Variants in FGF2 observed in about 807,000 individuals in gnomAD.
FGF2 encodes basic fibroblast growth factor bFGF.
A neutral mutation model predicts 15.9 loss-of-function variants in FGF2; 13 were observed. The observed-to-expected ratio is 0.82, with a 90% CI of 0.53 to 1.30. The LOEUF (loss-of-function observed/expected upper bound fraction) is 1.30. Among genes scored for constraint, FGF2 ranks in the 50% most tolerant of loss-of-function variants. The pLI is 0.00. For synonymous variants in FGF2, 90 were observed against 78.4 expected, an observed-to-expected ratio of 1.15 and a Z score of -0.78; for missense variants, 163 against 196.9, an observed-to-expected ratio of 0.83 and a Z score of 1.03.
At chr4:122,840,810 A>G (rs1366127337) in intron 1 of FGF2, 1 of 152,238 alleles carries the variant, frequency 6.6e-6, no homozygotes, top group East Asian at 1.9e-4. Flanking sequence ...CCTGGTACGC[A>G]CATTGCCCCC....
intron 2 of FGF2, among the ~76,000 whole-genome samples, chr4:122,887,051 C>G (rs1194802659): frequency 1.3e-5 from 2 of 152,130 alleles, no homozygotes; most frequent in Admixed American, 6.5e-5. Flanking sequence ...CATGGTGGCT[C>G]ACATCTGTAA....
rs1725653395 is a variant in FGF2, at chr4:122,827,086, G to A, written c.-89G>A. On this transcript the variant is annotated 5_prime_UTR_variant, in exon 1 of 3. Coordinates refer to ENST00000644866, the MANE Select transcript of FGF2 (RefSeq NM_001361665.2). This position sits in a 1 kb window ranked among gnomAD's most constrained non-coding sequence, Gnocchi z 4.2. ...CGGGGCCGGGGCCGTGCCCCGGAGC[G>A]GGTCGGAGGCCGGGGCCGGGGCCGG... is the stretch of plus-strand genomic sequence containing the variant. 1 of 1,165,820 alleles carries A rather than the reference G, an allele frequency of 8.6e-7. No individual in the cohort carries two copies. The highest frequency in any genetic ancestry group is 1.6e-5 in the African/African-American group (1 of 61,380). The allele number at this position is 1,165,820 out of a possible 1,614,324, so 72.2% of individuals were successfully genotyped here.
In FGF2 at chr4:122,897,660, A is replaced by G; in HGVS notation, c.*5264A>G. The stretch of plus-strand genomic sequence containing the variant: ...TCAGGCTCTGACAGGCCTCCTGGAA[A>G]CTTCCACATATTTTTCAACTGCAGT... On this transcript the variant is annotated 3_prime_UTR_variant, in exon 3 of 3. Coordinates refer to ENST00000644866, the MANE Select transcript of FGF2 (RefSeq NM_001361665.2). 1 of 1,610,022 alleles carries G rather than the reference A, an allele frequency of 6.2e-7. No individual in the cohort carries two copies. The highest frequency in any genetic ancestry group is 8.5e-7 in the Non-Finnish European group (1 of 1,176,354).
In FGF2 at chr4:122,892,302, T is replaced by C. The variant is rs1461924751; in HGVS notation, c.374T>C (p.Val125Ala). 1.2e-6 allele frequency: 2 copies of C among 1,613,886 alleles called. No individual in the cohort carries two copies. The highest frequency in any genetic ancestry group is 1.3e-5 in the African/African-American group (1 of 74,924). The stretch of plus-strand genomic sequence containing the variant: ...TCAAGGAAATACACCAGTTGGTATG[T>C]GGCACTGAAACGAACTGGGCAGTAT... ...YRSRKYTSWY[V>A]ALKRTGQYKL... The change falls in exon 3 of 3, where the codon GTG becomes GCG. Residue 125 changes from valine (V) to alanine (A), a missense_variant. Transcript: ENST00000644866.
At chr4:122,883,949 C>A (rs1038406279) in intron 2 of FGF2, among the ~76,000 whole-genome samples, 1 of 152,026 alleles carries the variant, frequency 6.6e-6, no homozygotes, top group Middle Eastern at 3.4e-3. Flanking sequence ...AATTGAGGGG[C>A]CTTCACAATG....
intron 2 of FGF2, chr4:122,889,841 T>C (rs1327034794): frequency 6.6e-6 from 1 of 152,232 alleles, no homozygotes; most frequent in Non-Finnish European, 1.5e-5. Context: ...AAGGCAAATG[T>C]TATTGGAATA....
At chr4:122,866,229 G>A (rs993942316) in intron 1 of FGF2, among the ~76,000 whole-genome samples, 2 of 152,122 alleles carry the variant, frequency 1.3e-5, no homozygotes, top group African/African-American at 2.4e-5. Context: ...TTAGCCGGGC[G>A]TGGTGGCGGG....
At position 122,827,171 on chromosome 4, in the gene FGF2, G is replaced by A. The variant is rs965581270; in HGVS notation, c.-4G>A. ...GGGGATCCCGGCCGGGCCCCGCAGG[G>A]ACCATGGCAGCCGGGAGCATCACCA... is the stretch of plus-strand genomic sequence containing the variant. On this transcript the variant is annotated 5_prime_UTR_variant, in exon 1 of 3. Transcript: ENST00000644866. The surrounding 1 kb of genome is among the most constrained non-coding windows in gnomAD (Gnocchi z 4.2). The A allele has an allele frequency of 6.4e-7, 1 of 1,561,544 alleles. No individual in the cohort carries two copies. The highest frequency in any genetic ancestry group is 2.4e-5 in the East Asian group (1 of 41,642).
chr4:122,876,531 C>T lies in FGF2; in HGVS notation c.282+107C>T, dbSNP rs961830448. The T allele has an allele frequency of 4.0e-6, 3 of 758,130 alleles. No homozygotes were observed. In the Admixed American group the frequency reaches 5.9e-5, roughly 15 times the overall value. 47.0% of individuals were successfully genotyped at this position (758,130 alleles called of 1,614,324 possible). ...TTATAAAGGATTTTACGTGTATCAT[C>T]GTCATAGTCACCCTGTAAAATAGGG... is the stretch of plus-strand genomic sequence containing the variant. On this transcript the variant is annotated intron_variant, in intron 2 of 2. Coordinates refer to ENST00000644866, the MANE Select transcript of FGF2 (RefSeq NM_001361665.2).
At chr4:122,858,660 A>ACAGAC (rs1726389643) in intron 1 of FGF2, among the ~76,000 whole-genome samples, 1 of 152,130 alleles carries the variant, frequency 6.6e-6, no homozygotes, top group Non-Finnish European at 1.5e-5. Context: ...GTCCTCCCAA[A>ACAGAC]GTGCTAGGGT....
chr4:122,891,021 C>CTTTTTTTTTTTTTTTTTTTT (rs769084285), intron 2 of FGF2, among the ~76,000 whole-genome samples: 17 of 94,730 alleles, frequency 1.8e-4, no homozygotes, highest in East Asian at 4.5e-4. Flanking sequence ...AACAATTTAT[C>CTTTTTTTTTTTTTTTTTTTT]TTTTTTTTTT....
chr4:122,879,818 A>T (rs973507057), intron 2 of FGF2, among the ~76,000 whole-genome samples: 1 of 152,180 alleles, frequency 6.6e-6, no homozygotes, highest in Non-Finnish European at 1.5e-5. Flanking sequence ...ACTTACTATC[A>T]CAAGAACAGC....
Position 122,896,586 on chromosome 4 carries a change from T to C in FGF2, c.*4190T>C, listed in dbSNP as rs1325038010. 6.6e-6 allele frequency: 1 copy of C among 152,168 alleles called. No individual in the cohort carries two copies. Among genetic ancestry groups the C allele is most frequent in the African/African-American group, 2.4e-5 (1 of 41,448 alleles). The allele number at this position is 152,168 out of a possible 1,614,324, so 9.4% of individuals were successfully genotyped here. Reference sequence around the variant, plus strand: ...CACACCACTACAAAATCATCTTTTATATCAACAGAAGAATAAGCATAAACT... The same window carrying C: ...CACACCACTACAAAATCATCTTTTACATCAACAGAAGAATAAGCATAAACT... On this transcript the variant is annotated 3_prime_UTR_variant, in exon 3 of 3. Coordinates refer to ENST00000644866, the MANE Select transcript of FGF2 (RefSeq NM_001361665.2).
intron 1 of FGF2, among the ~76,000 whole-genome samples, chr4:122,872,542 A>G (rs1726762303): frequency 6.6e-6 from 1 of 152,136 alleles, no homozygotes; most frequent in Middle Eastern, 3.2e-3. Context: ...AAGATACTCC[A>G]CAAGAAGATC....
At chr4:122,835,844 T>C (rs928877769) in intron 1 of FGF2, among the ~76,000 whole-genome samples, 1 of 152,210 alleles carries the variant, frequency 6.6e-6, no homozygotes, top group South Asian at 2.1e-4. Context: ...TGTGCTTTAA[T>C]TATAGTCTCT....
chr4:122,835,002 C>T lies in FGF2; in HGVS notation c.178+7650C>T, dbSNP rs1185142455. On this transcript the variant is annotated intron_variant, in intron 1 of 2. Coordinates refer to ENST00000644866, the MANE Select transcript of FGF2 (RefSeq NM_001361665.2). ...GGCTCCAGCTGGACCTGCTAAACCA[C>T]TCCTGTGGCCCCACCCAGGAATGGT... 3.3e-5 allele frequency among the ~76,000 whole-genome samples: 5 copies of T among 152,180 alleles called. No homozygotes were observed. The East Asian group carries it at 7.7e-4, about 23-fold the overall frequency.
At chr4:122,829,720 C>T (rs1384880989) in intron 1 of FGF2, among the ~76,000 whole-genome samples, 2 of 152,160 alleles carry the variant, frequency 1.3e-5, no homozygotes, top group Non-Finnish European at 2.9e-5. Flanking sequence ...CCTTTCTTCC[C>T]AAGTCCCCAA....
At chr4:122,868,779 G>C (rs992066500) in intron 1 of FGF2, among the ~76,000 whole-genome samples, 3 of 152,164 alleles carry the variant, frequency 2.0e-5, no homozygotes, top group Non-Finnish European at 4.4e-5. Flanking sequence ...GCCAGTATCT[G>C]TTGTTTCCTG....
intron 1 of FGF2, among the ~76,000 whole-genome samples, chr4:122,837,721 CAA>C (rs1476150574): frequency 4.6e-5 from 7 of 151,940 alleles, no homozygotes; most frequent in Admixed American, 3.9e-4. Flanking sequence ...GATGGGGACT[CAA>C]GAGAAAAAGG....
Sources: gnomAD v4.1 joint callset for allele counts (sites outside exome capture counted in the v4.1 genomes callset) on GRCh38, gnomAD v4.1.1 for gene constraint, Gnocchi (gnomAD v3.1) non-coding constraint, MANE v1.5 for transcripts, NCBI Gene and HGNC (gene_info 2026-07-23, HGNC 2026-07-21) for gene names.